The following ABI3BP variants were observed in gnomAD, a reference collection of about 807,000 sequenced individuals.
The protein encoded by ABI3BP is ABI family member 3 binding protein, also known as target of Nesh-SH3.
A neutral mutation model predicts 268.6 loss-of-function variants in ABI3BP; 216 were observed. The observed-to-expected ratio is 0.80, with a 90% CI of 0.72 to 0.90. The LOEUF is 0.90. Ranked by LOEUF, ABI3BP falls within the 40% of genes least tolerant of loss-of-function variation. The pLI is 0.00. For synonymous variants in ABI3BP, 730 were observed against 730.0 expected, an observed-to-expected ratio of 1.00 and a Z score of 0.00; for missense variants, 2,090 against 2,182.4, an observed-to-expected ratio of 0.96 and a Z score of 0.84.
At position 100,775,245 on chromosome 3, in the gene ABI3BP, A is replaced by G; in HGVS notation, c.4424T>C (p.Ile1475Thr). Reference protein sequence around the residue: ...GTPLERIETDIKQPTVPASGE... With the variant: ...GTPLERIETDTKQPTVPASGE... ...AGAGGCAGGAACTGTTGGTTGCTTT[A>G]TATCTGTCTCTATTCTCTCCAAGGG... Residue 1475 changes from isoleucine to threonine, a missense_variant, in exon 60 of 68, where the codon ATA (isoleucine) becomes ACA (threonine). Transcript: ENST00000471714. 2 of 1,611,978 alleles carry G rather than the reference A, an allele frequency of 1.2e-6. No individual in the cohort carries two copies. Among genetic ancestry groups the G allele is most frequent in the South Asian group, 2.2e-5 (2 of 90,458 alleles).
chr3:100,928,893 G>A (rs2062720211), intron 1 of ABI3BP, among the ~76,000 whole-genome samples: 1 of 152,026 alleles, frequency 6.6e-6, no homozygotes, highest in Non-Finnish European at 1.5e-5. Flanking sequence ...GCTCAAGTTG[G>A]GGTGCCAACT....
Position 100,992,795 on chromosome 3 carries a change from G to A in ABI3BP, c.79+511C>T, listed in dbSNP as rs1030036545. On this transcript the variant is annotated intron_variant, in intron 1 of 67. Transcript: ENST00000471714. ...CTCTTCCAAACTCCACTGGAGGGAC[G>A]TGTCTGCAAATCAGCACATGACCGT... Among the ~76,000 whole-genome samples, 9 of 152,320 alleles carry A rather than the reference G, an allele frequency of 5.9e-5. No homozygotes were observed. In the East Asian group the frequency reaches 1.7e-3, roughly 29 times the overall value.
At chr3:100,780,865 T>C (rs2096845276) in intron 57 of ABI3BP, among the ~76,000 whole-genome samples, 1 of 152,186 alleles carries the variant, frequency 6.6e-6, no homozygotes, top group Non-Finnish European at 1.5e-5. Context: ...TACTAGCCAT[T>C]TGCCTAAATA....
intron 44 of ABI3BP, among the ~76,000 whole-genome samples, chr3:100,814,853 C>T (rs1241233936): frequency 6.6e-6 from 1 of 152,088 alleles, no homozygotes; most frequent in Non-Finnish European, 1.5e-5. Context: ...TTATGTAGGG[C>T]ACACGATGAA....
chr3:100,964,669 C>T (rs1242628499), intron 1 of ABI3BP, among the ~76,000 whole-genome samples: 3 of 152,206 alleles, frequency 2.0e-5, no homozygotes, highest in African/African-American at 7.2e-5. Context: ...CATTTTTCTT[C>T]ACTTCAGTAT....
At chr3:100,928,024 A>T (rs2062385738) in intron 1 of ABI3BP, among the ~76,000 whole-genome samples, 1 of 150,722 alleles carries the variant, frequency 6.6e-6, no homozygotes, top group Non-Finnish European at 1.5e-5. Flanking sequence ...GAGGCCATTC[A>T]ATCTTTCTTT....
intron 47 of ABI3BP, 129 bp from the exon 48 acceptor site, chr3:100,811,406 A>T: frequency 1.4e-6 from 1 of 696,618 alleles, no homozygotes; most frequent in Non-Finnish European, 2.3e-6. Flanking sequence ...TTTAGACAGG[A>T]AAAAAGAATT....
intron 28 of ABI3BP, among the ~76,000 whole-genome samples, chr3:100,835,003 T>A (rs2098552982): frequency 6.6e-6 from 1 of 152,186 alleles, no homozygotes; most frequent in Admixed American, 6.5e-5. Context: ...TGCAACTTTA[T>A]TATTAGTTGC....
intron 51 of ABI3BP, among the ~76,000 whole-genome samples, chr3:100,797,960 T>G (rs1305453684): frequency 6.6e-6 from 1 of 152,160 alleles, no homozygotes; most frequent in Non-Finnish European, 1.5e-5. Context: ...AATTTCCAGC[T>G]GTAAATGAAA....
intron 49 of ABI3BP, among the ~76,000 whole-genome samples, chr3:100,810,025 C>T (rs912279341): frequency 6.6e-6 from 1 of 152,022 alleles, no homozygotes; most frequent in Admixed American, 6.6e-5. Context: ...CTGGAGGTTT[C>T]TTTTAATGTC....
At chr3:100,814,653 A>G (rs577685976) in intron 44 of ABI3BP, among the ~76,000 whole-genome samples, 1 of 152,204 alleles carries the variant, frequency 6.6e-6, no homozygotes, top group East Asian at 1.9e-4. Flanking sequence ...TAAGAGGTAA[A>G]ATGTGTCCTT....
At position 100,749,442 on chromosome 3, in the gene ABI3BP, G is replaced by A. The variant is rs1378053475; in HGVS notation, c.*1053C>T. On this transcript the variant is annotated 3_prime_UTR_variant, in exon 68 of 68. Transcript: ENST00000471714. ...TGTTGAAAGGTAAGTACAGGGAAAG[G>A]TCCTTTCAGAATGACTGCAACAGTG... The A allele has an allele frequency of 1.3e-5, 5 of 391,134 alleles. No homozygotes were observed. The highest frequency in any genetic ancestry group is 1.4e-4 in the South Asian group (1 of 6,956). The allele number at this position is 391,134 out of a possible 1,614,324, so 24.2% of individuals were successfully genotyped here.
intron 62 of ABI3BP, 41 bp from the exon 63 acceptor site, chr3:100,765,990 C>T (rs1005650103): frequency 2.8e-6 from 4 of 1,454,146 alleles, no homozygotes; most frequent in Admixed American, 1.9e-5. Flanking sequence ...GTTTTTATTT[C>T]TTGGCTGACT....
At chr3:100,879,838 C>T (rs1362711687) in intron 6 of ABI3BP, among the ~76,000 whole-genome samples, 1 of 152,178 alleles carries the variant, frequency 6.6e-6, no homozygotes, top group African/African-American at 2.4e-5. Context: ...TGCGTCTCTA[C>T]AGGTAGGTTT....
At chr3:100,945,293 G>A (rs1354373140) in intron 1 of ABI3BP, among the ~76,000 whole-genome samples, 1 of 152,010 alleles carries the variant, frequency 6.6e-6, no homozygotes, top group Non-Finnish European at 1.5e-5. Flanking sequence ...AAATATATGT[G>A]ACTGTCACAT....
intron 31 of ABI3BP, among the ~76,000 whole-genome samples, 168 bp downstream of exon 31, chr3:100,832,096 T>C (rs2098503844): frequency 6.6e-6 from 1 of 152,118 alleles, no homozygotes; most frequent in Admixed American, 6.6e-5. Flanking sequence ...AAGATCCCTA[T>C]AAAGGAAGCA....
intron 59 of ABI3BP, among the ~76,000 whole-genome samples, chr3:100,775,991 A>C (rs1184920527): frequency 6.6e-6 from 1 of 152,170 alleles, no homozygotes. Context: ...CTACAGAAGA[A>C]GGAAAAAGAT....
intron 1 of ABI3BP, among the ~76,000 whole-genome samples, chr3:100,977,567 G>A (rs184000805): frequency 7.4e-4 from 112 of 152,286 alleles, no homozygotes; most frequent in South Asian, 1.0e-3. Context: ...ATAGATCTGC[G>A]TGAGTGTTTC....
chr3:100,920,887 A>G (rs1295482838), intron 2 of ABI3BP, among the ~76,000 whole-genome samples: 1 of 152,238 alleles, frequency 6.6e-6, no homozygotes, highest in African/African-American at 2.4e-5. Context: ...GTCTGACTCA[A>G]AAGTAAACAG....
Sources: allele counts gnomAD v4.1 joint callset (sites outside exome capture counted in the v4.1 genomes callset), GRCh38; gene constraint gnomAD v4.1.1; transcripts MANE v1.5; gene names NCBI Gene and HGNC (gene_info 2026-07-23, HGNC 2026-07-21).